The following TBL1XR1 variants were observed in gnomAD, a reference collection of about 807,000 sequenced individuals.
TBL1XR1 encodes the protein TBL1X/Y related 1.
Under a neutral mutation model 66.9 loss-of-function variants are expected in TBL1XR1, and 5 were observed. The observed-to-expected ratio is 0.07, with a 90% CI of 0.04 to 0.16. TBL1XR1 has a LOEUF of 0.16. TBL1XR1 is among the 10% of genes least tolerant of loss of function. TBL1XR1 has a pLI of 1.00. For synonymous variants in TBL1XR1, 210 were observed against 206.0 expected, an observed-to-expected ratio of 1.02 and a Z score of -0.17; for missense variants, 238 against 623.2, an observed-to-expected ratio of 0.38 and a Z score of 6.58.
chr3:177,106,274 G>A (rs1290908106), intron 1 of TBL1XR1, among the ~76,000 whole-genome samples: 1 of 152,050 alleles, frequency 6.6e-6, no homozygotes, highest in Non-Finnish European at 1.5e-5. Flanking sequence ...CAATATAAAG[G>A]GAAACCATCG....
intron 14 of TBL1XR1, among the ~76,000 whole-genome samples, chr3:177,030,129 T>G (rs940334359): frequency 1.4e-5 from 2 of 143,610 alleles, no homozygotes; most frequent in African/African-American, 2.5e-5. Flanking sequence ...TGTATATATA[T>G]ATAGAGAGAG....
intron 1 of TBL1XR1, chr3:177,099,322 G>A (rs1211719): frequency 0.33 from 50,718 of 152,102 alleles, 8,738 homozygotes; most frequent in East Asian, 0.53. Context: ...AGCCGAGACC[G>A]CACCACTGCA....
intron 1 of TBL1XR1, among the ~76,000 whole-genome samples, chr3:177,124,822 T>C (rs1360563109): frequency 6.6e-6 from 1 of 152,116 alleles, no homozygotes; most frequent in Non-Finnish European, 1.5e-5. Context: ...TTCATAAAAA[T>C]CTGTCACTGT....
chr3:177,143,838 A>G (rs1421711424), intron 1 of TBL1XR1, among the ~76,000 whole-genome samples: 1 of 152,234 alleles, frequency 6.6e-6, no homozygotes, highest in Admixed American at 6.5e-5. Flanking sequence ...TGAAGTGACT[A>G]AAGAAAACAA....
chr3:177,079,506 ATTT>A (rs1721135384), intron 2 of TBL1XR1: 2 of 151,728 alleles, frequency 1.3e-5, no homozygotes, highest in Admixed American at 1.3e-4. Flanking sequence ...CTTATTTGTA[ATTT>A]TTTTAATCTA....
At chr3:177,168,787 A>G (rs991092603) in intron 1 of TBL1XR1, among the ~76,000 whole-genome samples, 14 of 152,214 alleles carry the variant, frequency 9.2e-5, no homozygotes, top group African/African-American at 2.2e-4. Flanking sequence ...TCTGAATTAC[A>G]TTTACTTATT....
intron 1 of TBL1XR1, among the ~76,000 whole-genome samples, chr3:177,131,798 G>A (rs921880802): frequency 4.6e-5 from 7 of 151,532 alleles, no homozygotes; most frequent in Non-Finnish European, 7.4e-5. Context: ...CACCATACCC[G>A]GCCCTGAATA....
chr3:177,069,809 G>GAAAGGAAGGA (rs1332430077), intron 2 of TBL1XR1, among the ~76,000 whole-genome samples: 76 of 123,732 alleles, frequency 6.1e-4, no homozygotes, highest in African/African-American at 2.2e-3. Context: ...AGGAAGGAAG[G>GAAAGGAAGGA]AAGGAAGGAA....
chr3:177,201,194 C>G (rs1009901916), upstream of TBL1XR1, among the ~76,000 whole-genome samples: 1 of 150,050 alleles, frequency 6.7e-6, no homozygotes, highest in Non-Finnish European at 1.5e-5. Flanking sequence ...GGGCGGATCA[C>G]GAGGTCGGGA....
intron 1 of TBL1XR1, among the ~76,000 whole-genome samples, chr3:177,116,786 T>A (rs1726359990): frequency 6.6e-6 from 1 of 152,176 alleles, no homozygotes. Context: ...AATGAGATAA[T>A]GCATTATCAA....
At chr3:177,139,610 A>C (rs1429938039) in intron 1 of TBL1XR1, among the ~76,000 whole-genome samples, 3 of 151,838 alleles carry the variant, frequency 2.0e-5, no homozygotes, top group Admixed American at 2.0e-4. Flanking sequence ...CACCAAATTC[A>C]TTTGCCTAGA....
chr3:177,167,991 C>A (rs1389037597), intron 1 of TBL1XR1, among the ~76,000 whole-genome samples: 1 of 152,066 alleles, frequency 6.6e-6, no homozygotes, highest in Non-Finnish European at 1.5e-5. Context: ...AACTCCAATA[C>A]AAGTTTTATA....
rs191784932 is a variant in TBL1XR1, at chr3:177,025,503, T to G, written c.1540A>C (p.Lys514Gln). Residue 514 changes from lysine (K) to glutamine (Q), a missense_variant, in exon 16 of 16, where the codon AAA (lysine) becomes CAA (glutamine). Lys to Gln is a moderately conservative substitution (Grantham distance 53). Coordinates refer to ENST00000457928, the MANE Select transcript of TBL1XR1 (RefSeq NM_024665.7). ...ATGGCTTCCAACTAGTAGCGCTATT[T>G]CCGAAGGTCTAATACACAAACCTGT... ...DGSVCVLDLR[K>Q] 6.2e-7 allele frequency: 1 copy of G among 1,612,766 alleles called. No homozygotes were observed. Among genetic ancestry groups the G allele is most frequent in the African/African-American group, 1.3e-5 (1 of 75,014 alleles).
intron 1 of TBL1XR1, among the ~76,000 whole-genome samples, chr3:177,138,775 G>A (rs746249148): frequency 3.3e-5 from 5 of 151,644 alleles, no homozygotes; most frequent in Non-Finnish European, 7.4e-5. Flanking sequence ...AAGAGGAAGG[G>A]ATCTCTCACC....
chr3:177,132,536 CAGAGATGGGGGGAAAGAAAG>C (rs1728428984), intron 1 of TBL1XR1, among the ~76,000 whole-genome samples: 1 of 151,990 alleles, frequency 6.6e-6, no homozygotes, highest in Admixed American at 6.6e-5. Flanking sequence ...CCACTGTTAA[CAGAGATGGGGGGAAAGAAAG>C]GTTAACAGAT....
chr3:177,060,802 T>C (rs1307922301), intron 3 of TBL1XR1, among the ~76,000 whole-genome samples: 21 of 152,250 alleles, frequency 1.4e-4, no homozygotes, highest in Admixed American at 1.2e-3. Flanking sequence ...AGTATTTATC[T>C]GCATATGGTT....
chr3:177,107,388 T>C (rs1577187578), intron 1 of TBL1XR1, among the ~76,000 whole-genome samples: 1 of 152,230 alleles, frequency 6.6e-6, no homozygotes, highest in East Asian at 1.9e-4. Context: ...CTAGACAGTA[T>C]CAGCAAATGC....
Position 177,187,116 on chromosome 3 carries a change from G to A in TBL1XR1, c.-122+10005C>T, listed in dbSNP as rs1407412603. On this transcript the variant is annotated intron_variant, in intron 1 of 15. Transcript: ENST00000457928. The stretch of plus-strand genomic sequence containing the variant: ...CGGGAGGCGGAGTGTGCCATGAGCC[G>A]AGATCGTGCCACTGTACTCCAGCCT... 2.0e-5 allele frequency among the ~76,000 whole-genome samples: 3 copies of A among 146,370 alleles called. 1 individual carries two copies. Among genetic ancestry groups the A allele is most frequent in the South Asian group, 4.4e-4 (2 of 4,584 alleles).
chr3:177,174,191 C>T (rs1224616592), intron 1 of TBL1XR1, among the ~76,000 whole-genome samples: 5 of 151,914 alleles, frequency 3.3e-5, no homozygotes, highest in East Asian at 1.9e-4. Flanking sequence ...AGGCGGATCA[C>T]GAGGTCAGGA....
Sources: gnomAD v4.1 joint callset for allele counts (sites outside exome capture counted in the v4.1 genomes callset) on GRCh38, gnomAD v4.1.1 for gene constraint, MANE v1.5 for transcripts, NCBI Gene and HGNC (gene_info 2026-07-23, HGNC 2026-07-21) for gene names.